INSL6: variants seen among roughly 807,000 people sequenced by gnomAD.
INSL6 encodes the protein insulin-like peptide INSL6.
INSL6 carries 16 observed loss-of-function variants against 9.4 expected under a neutral mutation model. That is an observed-to-expected ratio of 1.70 (90% confidence interval 1.15 to 2.59). The LOEUF (loss-of-function observed/expected upper bound fraction) is 2.59. Ranked by LOEUF, INSL6 falls within the 30% of genes most tolerant of loss-of-function variation. The probability of loss-of-function intolerance (pLI) is 0.00; values close to 1 mark genes in which losing one functional copy is unlikely to be tolerated. For missense variants in INSL6, 391 were observed against 257.3 expected (o/e 1.52, Z -3.56); for synonymous variants, 154 against 96.9 (o/e 1.59, Z -3.46).
the INSL6 span, among the ~76,000 whole-genome samples, chr9:5,051,163 A>G: frequency 9.9e-5 from 15 of 152,206 alleles, no homozygotes. Flanking sequence ...ATAATAAAAA[A>G]TCATATGGGT....
rs571308004 is a variant in INSL6, at chr9:5,141,286, C to T, written c.377-7694G>A. ...GGTCTTTGAGGAATAGCCACCCTGA[C>T]TTCCACAATGGTTGAACTAATTTAC... On this transcript the variant is annotated intron_variant, in intron 2 of 3. Transcript: ENST00000649639. Among the ~76,000 whole-genome samples, 5 of 152,300 alleles carry T rather than the reference C, an allele frequency of 3.3e-5. No individual in the cohort carries two copies. In the South Asian group the frequency reaches 1.0e-3, roughly 32 times the overall value.
At chr9:5,141,553 T>C (rs916581706) in intron 2 of INSL6, among the ~76,000 whole-genome samples, 3 of 152,060 alleles carry the variant, frequency 2.0e-5, no homozygotes, top group Non-Finnish European at 4.4e-5. Context: ...GTTTTTTCCC[T>C]TGTAAATTTA....
intron 1 of INSL6, among the ~76,000 whole-genome samples, chr9:5,173,567 C>G (rs758439278): frequency 3.1e-4 from 47 of 151,546 alleles, no homozygotes; most frequent in Admixed American, 2.6e-4. Flanking sequence ...AATGAGATCA[C>G]GTGAACATGG....
At chr9:5,041,902 A>G in the INSL6 span, 4 of 409,044 alleles carry the variant, frequency 9.8e-6, no homozygotes, top group Non-Finnish European at 1.4e-5. Flanking sequence ...GCCTGCAGAG[A>G]TGGAGGTGGG....
the INSL6 span, among the ~76,000 whole-genome samples, chr9:4,999,836 A>G: frequency 6.6e-6 from 1 of 152,130 alleles, no homozygotes; most frequent in Non-Finnish European, 1.5e-5. Flanking sequence ...TTTTTTCCCA[A>G]TATTTAGACT....
downstream of INSL6, among the ~76,000 whole-genome samples, chr9:5,163,632 G>C (rs1192569290): frequency 7.2e-6 from 1 of 138,258 alleles, no homozygotes; most frequent in Non-Finnish European, 1.6e-5. Flanking sequence ...CACAGCTTAA[G>C]AGAGTTTCAA....
chr9:5,094,960 T>A, the INSL6 span: 1 of 152,190 alleles, frequency 6.6e-6, no homozygotes, highest in Non-Finnish European at 1.5e-5. Context: ...CCACTTACAT[T>A]AGCATTCTGC....
chr9:5,054,512 T>C, the INSL6 span: 1 of 1,421,850 alleles, frequency 7.0e-7, no homozygotes, highest in South Asian at 1.4e-5. The surrounding 1 kb of genome is among the most constrained non-coding windows in gnomAD (Gnocchi z 4.9). Flanking sequence ...TAGATTTATC[T>C]TCCAATTTTT....
chr9:5,117,048 T>C, the INSL6 span, among the ~76,000 whole-genome samples: 2 of 152,218 alleles, frequency 1.3e-5, no homozygotes, highest in Non-Finnish European at 2.9e-5. Flanking sequence ...TGGCTCCTCT[T>C]GCCTTTCCAC....
the INSL6 span, among the ~76,000 whole-genome samples, chr9:5,084,715 A>G: frequency 6.6e-6 from 1 of 152,164 alleles, no homozygotes; most frequent in Non-Finnish European, 1.5e-5. Context: ...TATTTGTGTA[A>G]TAGCCTTACA....
At chr9:5,089,274 C>T in the INSL6 span, among the ~76,000 whole-genome samples, 1 of 152,122 alleles carries the variant, frequency 6.6e-6, no homozygotes, top group African/African-American at 2.4e-5. Context: ...CATGGTGGCT[C>T]ATGCCTGTAA....
the INSL6 span, among the ~76,000 whole-genome samples, chr9:5,102,760 C>T: frequency 6.6e-6 from 1 of 152,098 alleles, no homozygotes; most frequent in Admixed American, 6.5e-5. Flanking sequence ...GAGAAAAAGA[C>T]TTTTCAACCC....
chr9:5,133,221 G>T (rs1354496563), intron 3 of INSL6, among the ~76,000 whole-genome samples: 1 of 151,032 alleles, frequency 6.6e-6, no homozygotes, highest in Non-Finnish European at 1.5e-5. Flanking sequence ...TGGGAAAGTT[G>T]GGGGAGGATA....
chr9:5,043,007 C>T, the INSL6 span, among the ~76,000 whole-genome samples: 41,283 of 152,074 alleles, frequency 0.27, 6,047 homozygotes, highest in African/African-American at 0.38. Context: ...CGGCTGGCGT[C>T]GCGCGGCTCG....
chr9:5,094,390 C>G, the INSL6 span: 1 of 152,104 alleles, frequency 6.6e-6, no homozygotes, highest in Non-Finnish European at 1.5e-5. Flanking sequence ...CTTATTTATT[C>G]TAGCCACATC....
At chr9:4,999,861 A>T in the INSL6 span, among the ~76,000 whole-genome samples, 1 of 152,232 alleles carries the variant, frequency 6.6e-6, no homozygotes, top group Non-Finnish European at 1.5e-5. Context: ...TCATAGAATT[A>T]TTAGATATGC....
chr9:5,141,858 T>C (rs1824507427), intron 2 of INSL6, among the ~76,000 whole-genome samples: 1 of 152,170 alleles, frequency 6.6e-6, no homozygotes, highest in Admixed American at 6.5e-5. Context: ...TTGGGATTTA[T>C]ATTTAAGTAT....
At chr9:5,152,280 G>A (rs988719849) in intron 2 of INSL6, among the ~76,000 whole-genome samples, 5 of 152,040 alleles carry the variant, frequency 3.3e-5, no homozygotes, top group Admixed American at 6.5e-5. Flanking sequence ...CAGAATACAC[G>A]TTTGTTTCAT....
chr9:5,010,780 G>A, the INSL6 span, among the ~76,000 whole-genome samples: 1 of 152,128 alleles, frequency 6.6e-6, no homozygotes, highest in African/African-American at 2.4e-5. Context: ...TCTTGAGTGT[G>A]AGTTTGTTGG....
Sources: allele counts gnomAD v4.1 joint callset (sites outside exome capture counted in the v4.1 genomes callset), GRCh38; gene constraint gnomAD v4.1.1; non-coding constraint Gnocchi (gnomAD v3.1); transcripts MANE v1.5; gene names NCBI Gene and HGNC (gene_info 2026-07-23, HGNC 2026-07-21).